XKR4: variants seen among roughly 807,000 people sequenced by gnomAD.
The protein encoded by XKR4 is XK-related protein 4.
In XKR4, 12 loss-of-function variants were observed where a neutral mutation model predicts 53.9. The observed-to-expected ratio is 0.22, with a 90% CI of 0.14 to 0.36. The LOEUF (loss-of-function observed/expected upper bound fraction) is 0.36. Among genes scored for constraint, XKR4 ranks in the 10% least tolerant of loss-of-function variants. The pLI is 1.00. For missense variants in XKR4, 799 were observed against 859.5 expected (o/e 0.93, Z 0.88); for synonymous variants, 354 against 362.4 (o/e 0.98, Z 0.26).
intron 2 of XKR4, among the ~76,000 whole-genome samples, chr8:55,438,406 T>C (rs929027171): frequency 3.3e-5 from 5 of 151,312 alleles, no homozygotes; most frequent in African/African-American, 1.2e-4. Context: ...GCCAACATGG[T>C]GAAACCCCGT....
intron 1 of XKR4, among the ~76,000 whole-genome samples, chr8:55,289,851 GGAAAGAAAGAAAGAA>G (rs1818990960): frequency 4.4e-5 from 6 of 135,616 alleles, no homozygotes; most frequent in Non-Finnish European, 6.1e-5. Context: ...AAAGAAAGAA[GGAAAGAAAGAAAGAA>G]AGAAAGAAAG....
chr8:55,341,276 A>G (rs1314856088), intron 1 of XKR4, among the ~76,000 whole-genome samples: 1 of 152,192 alleles, frequency 6.6e-6, no homozygotes, highest in East Asian at 1.9e-4. Context: ...GGCAGTGGTC[A>G]GAACCCTTCA....
intron 2 of XKR4, among the ~76,000 whole-genome samples, chr8:55,437,964 A>AAAAAG (rs1805200624): frequency 8.8e-6 from 1 of 113,272 alleles, no homozygotes; most frequent in South Asian, 2.7e-4. Flanking sequence ...CAAAAAAAAA[A>AAAAAG]AAGAAGAAGA....
intron 2 of XKR4, among the ~76,000 whole-genome samples, chr8:55,448,403 G>A (rs7826775): frequency 6.6e-6 from 1 of 152,172 alleles, no homozygotes; most frequent in East Asian, 1.9e-4. Context: ...TTTACAAGTC[G>A]CTGATTGAAG....
intron 2 of XKR4, chr8:55,455,160 C>T: frequency 3.6e-6 from 2 of 556,094 alleles, no homozygotes; most frequent in Middle Eastern, 5.1e-4. Context: ...GCTGGGCGGG[C>T]TCCGCGGCTC....
rs1259841048 is a variant in XKR4 at position 55,539,486 on chromosome 8, C to T, written c.*15259C>T. The T allele has an allele frequency of 3.3e-5, 5 of 152,152 alleles. No individual in the cohort carries two copies. Among genetic ancestry groups the T allele is most frequent in the African/African-American group, 1.2e-4 (5 of 41,424 alleles). The allele number at this position is 152,152 out of a possible 1,614,324, so 9.4% of individuals were successfully genotyped here. A position where few individuals can be genotyped will look rare whatever the true frequency, so the allele number is the denominator to read the frequency against. On this transcript the variant is annotated 3_prime_UTR_variant, in exon 3 of 3. Coordinates refer to ENST00000327381, the MANE Select transcript of XKR4 (RefSeq NM_052898.2). ...TAAAATCTAATTGGCAGTGATATTT[C>T]AAAGCCTTAACATTTCAAGGTGGTT... is the stretch of plus-strand genomic sequence containing the variant.
intron 2 of XKR4, among the ~76,000 whole-genome samples, chr8:55,519,758 T>C (rs922233574): frequency 1.6e-4 from 25 of 152,154 alleles, no homozygotes; most frequent in African/African-American, 5.6e-4. Flanking sequence ...TTTATGTGGT[T>C]ATGTAAGAGA....
intron 1 of XKR4, among the ~76,000 whole-genome samples, chr8:55,310,441 A>G (rs1367299659): frequency 6.6e-6 from 1 of 152,226 alleles, no homozygotes; most frequent in East Asian, 1.9e-4. Flanking sequence ...TTAGCATAGC[A>G]CCTGACACGT....
intron 2 of XKR4, among the ~76,000 whole-genome samples, chr8:55,365,906 G>A (rs1803976298): frequency 6.6e-6 from 1 of 152,160 alleles, no homozygotes; most frequent in Admixed American, 6.5e-5. Context: ...AGTGCTGGGT[G>A]ACAGAAGGGG....
At chr8:55,310,476 TTATTTCTGTTTAC>T (rs1266946489) in intron 1 of XKR4, among the ~76,000 whole-genome samples, 1 of 152,240 alleles carries the variant, frequency 6.6e-6, no homozygotes, top group South Asian at 2.1e-4. Flanking sequence ...AAATATTAGC[TTATTTCTGTTTAC>T]TATTGTGTTT....
intron 1 of XKR4, among the ~76,000 whole-genome samples, chr8:55,295,560 A>G (rs944818842): frequency 6.6e-6 from 1 of 152,240 alleles, no homozygotes; most frequent in Non-Finnish European, 1.5e-5. Context: ...TTTAGCTAGA[A>G]CAATGGTTTG....
At chr8:55,459,393 C>T (rs1397999916) in intron 2 of XKR4, among the ~76,000 whole-genome samples, 1 of 151,984 alleles carries the variant, frequency 6.6e-6, no homozygotes, top group African/African-American at 2.4e-5. Flanking sequence ...GATTGGATAC[C>T]AAAAGTGTGA....
chr8:55,490,756 C>A (rs1806258980), intron 2 of XKR4, among the ~76,000 whole-genome samples: 1 of 151,824 alleles, frequency 6.6e-6, no homozygotes, highest in African/African-American at 2.4e-5. Context: ...TTTTCTCTAT[C>A]ACATCTTTCT....
chr8:55,511,744 G>A (rs1806628933), intron 2 of XKR4, among the ~76,000 whole-genome samples: 1 of 152,184 alleles, frequency 6.6e-6, no homozygotes, highest in African/African-American at 2.4e-5. Context: ...ATAATGGCCA[G>A]TATTTTTCCT....
chr8:55,117,643 G>A (rs1244199289), intron 1 of XKR4, among the ~76,000 whole-genome samples: 1 of 152,140 alleles, frequency 6.6e-6, no homozygotes, highest in Non-Finnish European at 1.5e-5. Context: ...TTCAGAGAGG[G>A]CAAGAGACTT....
rs1045090062 is a variant in XKR4 at position 55,539,857 on chromosome 8, G to T, written c.*15630G>T. On this transcript the variant is annotated 3_prime_UTR_variant, in exon 3 of 3. Coordinates refer to ENST00000327381, the MANE Select transcript of XKR4 (RefSeq NM_052898.2). ...GAAGAAGGAAGTGGCAGATTCACAGGTGGGGTGACCAGGATGGGAGGAAAA... is the reference window on the plus strand; with the variant it reads ...GAAGAAGGAAGTGGCAGATTCACAGTTGGGGTGACCAGGATGGGAGGAAAA... 6.6e-6 allele frequency: 1 copy of T among 152,246 alleles called. No individual in the cohort carries two copies. Among genetic ancestry groups the T allele is most frequent in the Non-Finnish European group, 1.5e-5 (1 of 68,068 alleles). 9.4% of individuals were successfully genotyped at this position (152,246 alleles called of 1,614,324 possible).
chr8:55,332,850 T>G (rs1344213291), intron 1 of XKR4, among the ~76,000 whole-genome samples: 1 of 151,926 alleles, frequency 6.6e-6, no homozygotes, highest in Non-Finnish European at 1.5e-5. Flanking sequence ...TTACTGGAAC[T>G]TCCATAATAT....
intron 2 of XKR4, chr8:55,454,347 G>T: frequency 6.6e-7 from 1 of 1,507,856 alleles, no homozygotes; most frequent in Non-Finnish European, 9.2e-7. Context: ...GCCTCCAGCA[G>T]CTGGGCCGGC....
At chr8:55,367,953 T>G (rs1328317206) in intron 2 of XKR4, among the ~76,000 whole-genome samples, 1 of 151,834 alleles carries the variant, frequency 6.6e-6, no homozygotes, top group Non-Finnish European at 1.5e-5. Flanking sequence ...TTTTGTTTTG[T>G]TTTTGTTTTT....
Sources: gnomAD v4.1 joint callset for allele counts (sites outside exome capture counted in the v4.1 genomes callset) on GRCh38, gnomAD v4.1.1 for gene constraint, MANE v1.5 for transcripts, NCBI Gene and HGNC (gene_info 2026-07-23, HGNC 2026-07-21) for gene names.